Variants in AGBL4 observed in about 807,000 individuals in gnomAD.
The protein encoded by AGBL4 is cytosolic carboxypeptidase 6.
AGBL4 carries 58 observed loss-of-function variants against 66.4 expected under a neutral mutation model. The observed-to-expected ratio is 0.87, with a 90% CI of 0.71 to 1.09. The LOEUF is 1.09. Among genes scored for constraint, AGBL4 ranks in the 50% least tolerant of loss-of-function variants. The pLI, the probability that AGBL4 is intolerant of heterozygous loss-of-function variation, is 0.00. For missense variants in AGBL4, 579 were observed against 631.0 expected (o/e 0.92, Z 0.88); for synonymous variants, 234 against 222.9 (o/e 1.05, Z -0.44).
At chr1:48,554,842 C>T (rs1220868200) in intron 11 of AGBL4, among the ~76,000 whole-genome samples, 1 of 152,094 alleles carries the variant, frequency 6.6e-6, no homozygotes, top group Non-Finnish European at 1.5e-5. Flanking sequence ...GACTTAAACT[C>T]GGGTCTGTCC....
At chr1:48,932,912 A>AACAC (rs201626426) in intron 5 of AGBL4, among the ~76,000 whole-genome samples, 1 of 151,194 alleles carries the variant, frequency 6.6e-6, no homozygotes, top group African/African-American at 2.4e-5. Context: ...AACAGGTAAA[A>AACAC]ACACACACAC....
chr1:48,578,112 G>T (rs1056421786), intron 11 of AGBL4, among the ~76,000 whole-genome samples: 1 of 152,044 alleles, frequency 6.6e-6, no homozygotes, highest in African/African-American at 2.4e-5. Context: ...TATGTATCTG[G>T]AAATAAACTT....
At chr1:49,151,307 T>A (rs1188364810) in intron 4 of AGBL4, among the ~76,000 whole-genome samples, 1 of 150,212 alleles carries the variant, frequency 6.7e-6, no homozygotes, top group African/African-American at 2.4e-5. Flanking sequence ...TATGTATATG[T>A]ATACACACAC....
rs373801820 is a variant in AGBL4 at position 48,664,882 on chromosome 1, A to T, written c.635-1641T>A. ...TACCTGAAGGAAATTTAGAAAGAACATTGAGAGAGGTTGAATTGAAGGATT... is the reference window on the plus strand; with the variant it reads ...TACCTGAAGGAAATTTAGAAAGAACTTTGAGAGAGGTTGAATTGAAGGATT... On this transcript the variant is annotated intron_variant, in intron 6 of 13. Coordinates refer to ENST00000371839, the MANE Select transcript of AGBL4 (RefSeq NM_032785.4). Among the ~76,000 whole-genome samples the T allele has an allele frequency of 1.1e-4, 16 of 152,338 alleles. No individual in the cohort carries two copies. In the South Asian group the frequency reaches 3.3e-3, roughly 32 times the overall value.
chr1:49,132,224 C>G lies in AGBL4; in HGVS notation c.378-86424G>C, dbSNP rs535495024. ...CCTGAAAAATCAGGAATTAGACTAT[C>G]TCTTGGGTTTGGTGACAAGAAGGTC... On this transcript the variant is annotated intron_variant, in intron 4 of 13. Transcript: ENST00000371839. Among the ~76,000 whole-genome samples, 35 of 152,052 alleles carry G rather than the reference C, an allele frequency of 2.3e-4. No homozygotes were observed. In the South Asian group the frequency reaches 7.1e-3, roughly 31 times the overall value.
chr1:48,615,971 A>G (rs1645311518), intron 9 of AGBL4, among the ~76,000 whole-genome samples: 1 of 152,098 alleles, frequency 6.6e-6, no homozygotes, highest in African/African-American at 2.4e-5. Context: ...AAAGGGCAAA[A>G]TGTTCTTGCT....
chr1:49,645,523 A>G (rs896120246), intron 3 of AGBL4, among the ~76,000 whole-genome samples: 1 of 151,556 alleles, frequency 6.6e-6, no homozygotes, highest in Non-Finnish European at 1.5e-5. Context: ...ATAGTTTTAT[A>G]TTCTTAGAAG....
intron 3 of AGBL4, among the ~76,000 whole-genome samples, chr1:49,266,808 T>G (rs558283054): frequency 9.6e-4 from 146 of 152,240 alleles, no homozygotes; most frequent in Non-Finnish European, 1.6e-3. Context: ...ACTGTGTCAT[T>G]AAGACATATG....
chr1:48,967,892 A>C (rs1377638160), intron 5 of AGBL4, among the ~76,000 whole-genome samples: 24 of 152,034 alleles, frequency 1.6e-4, no homozygotes, highest in Non-Finnish European at 2.9e-5. Context: ...CTCATCTCAG[A>C]GTTACTAATT....
chr1:49,277,969 T>C (rs1417442935), intron 3 of AGBL4, among the ~76,000 whole-genome samples: 1 of 152,206 alleles, frequency 6.6e-6, no homozygotes, highest in Non-Finnish European at 1.5e-5. Flanking sequence ...GTACTTATTA[T>C]ATCCCAGGCA....
chr1:49,425,855 T>C (rs1645646050), intron 3 of AGBL4, among the ~76,000 whole-genome samples: 1 of 152,210 alleles, frequency 6.6e-6, no homozygotes, highest in Admixed American at 6.5e-5. Flanking sequence ...CTTTGTCACA[T>C]GGAACTGGGC....
At chr1:49,673,847 T>C (rs1436669851) in intron 3 of AGBL4, among the ~76,000 whole-genome samples, 1 of 151,836 alleles carries the variant, frequency 6.6e-6, no homozygotes, top group Non-Finnish European at 1.5e-5. Context: ...TGAAATGCTA[T>C]GGGGATGCTG....
chr1:48,754,108 A>G (rs1463899209), intron 6 of AGBL4, among the ~76,000 whole-genome samples: 1 of 152,226 alleles, frequency 6.6e-6, no homozygotes, highest in Non-Finnish European at 1.5e-5. Flanking sequence ...ACAATGAATT[A>G]TACTGTCTAA....
chr1:48,577,347 T>A (rs1644670465), intron 11 of AGBL4, among the ~76,000 whole-genome samples: 1 of 152,224 alleles, frequency 6.6e-6, no homozygotes, highest in African/African-American at 2.4e-5. Context: ...TGAAACAATA[T>A]CAACTCTCTT....
At chr1:49,819,323 C>G (rs2147988750) in intron 2 of AGBL4, among the ~76,000 whole-genome samples, 1 of 152,284 alleles carries the variant, frequency 6.6e-6, no homozygotes, top group Non-Finnish European at 1.5e-5. Context: ...AGACATTTCT[C>G]TCTTGCGATG....
chr1:48,821,535 T>G (rs1295527343), intron 6 of AGBL4, among the ~76,000 whole-genome samples: 1 of 152,062 alleles, frequency 6.6e-6, no homozygotes, highest in Non-Finnish European at 1.5e-5. Context: ...AAATGGGAGC[T>G]AAACAATGGA....
chr1:48,727,537 A>C (rs1209330341), intron 6 of AGBL4: 1 of 161,198 alleles, frequency 6.2e-6, no homozygotes, highest in African/African-American at 2.4e-5. Flanking sequence ...AGAATTAATG[A>C]AAATTTATTA....
intron 5 of AGBL4, among the ~76,000 whole-genome samples, chr1:48,953,396 C>T (rs963709494): frequency 6.6e-6 from 1 of 152,198 alleles, no homozygotes; most frequent in African/African-American, 2.4e-5. Flanking sequence ...ATTACCTCTA[C>T]TGCCTAGGCC....
At position 49,818,907 on chromosome 1, in the gene AGBL4, G is replaced by T. The variant is rs200929279; in HGVS notation, c.157+32489C>A. 4.6e-5 allele frequency among the ~76,000 whole-genome samples: 7 copies of T among 152,220 alleles called. 1 individual carries two copies. The South Asian group carries it at 1.2e-3, about 27-fold the overall frequency. On this transcript the variant is annotated intron_variant, in intron 2 of 13. Transcript: ENST00000371839. The stretch of plus-strand genomic sequence containing the variant: ...CAAGTCATCTGTGGCTAGCAAAACT[G>T]CAGGGACAAGGAAATGAGTGACACA...
Sources: allele counts gnomAD v4.1 joint callset (sites outside exome capture counted in the v4.1 genomes callset), GRCh38; gene constraint gnomAD v4.1.1; transcripts MANE v1.5; gene names NCBI Gene and HGNC (gene_info 2026-07-23, HGNC 2026-07-21).